Variants in DTL observed in about 807,000 individuals in gnomAD.
DTL encodes the protein denticleless protein homolog.
A neutral mutation model predicts 87.0 loss-of-function variants in DTL; 46 were observed. The observed-to-expected ratio is 0.53, with a 90% CI of 0.42 to 0.68. DTL has a LOEUF of 0.68. Ranked by LOEUF, DTL falls within the 30% of genes least tolerant of loss-of-function variation. The pLI is 0.00. For synonymous variants in DTL, 308 were observed against 311.2 expected (o/e 0.99, Z 0.11); for missense variants, 737 against 869.4 (o/e 0.85, Z 1.91).
rs376617247 is a variant in DTL at position 212,099,199 on chromosome 1, CTT to C, written c.1262-1051_1262-1050del. Among the ~76,000 whole-genome samples, 65 of 152,200 alleles carry C rather than the reference CTT, an allele frequency of 4.3e-4. 1 individual carries two copies. In the East Asian group the frequency reaches 0.011, roughly 25 times the overall value. On this transcript the variant is annotated intron_variant, in intron 13 of 14. Transcript: ENST00000366991. ...CAGTGAGGATGTGTGCAGAAGTGGA[CTT>C]TACCCCTCTCACACTGTTTTTTGTT...
chr1:212,099,268 T>A (rs1261199462), intron 13 of DTL, among the ~76,000 whole-genome samples: 2 of 152,144 alleles, frequency 1.3e-5, no homozygotes, highest in Non-Finnish European at 2.9e-5. Flanking sequence ...GGAGTCTCGC[T>A]GTCAGGCAGG....
At chr1:212,069,548 AT>A (rs397863295) in intron 10 of DTL, among the ~76,000 whole-genome samples, 210 of 144,422 alleles carry the variant, frequency 1.5e-3, no homozygotes, top group African/African-American at 1.3e-3. Context: ...ATAGATATAA[AT>A]TTTTTTTTTT....
intron 5 of DTL, among the ~76,000 whole-genome samples, chr1:212,055,411 A>C (rs562139348): frequency 1.3e-5 from 2 of 152,218 alleles, no homozygotes; most frequent in South Asian, 2.1e-4. Flanking sequence ...ACAAACCCTC[A>C]AGTCCTAAGC....
intron 13 of DTL, among the ~76,000 whole-genome samples, chr1:212,093,456 A>AT (rs1412404825): frequency 2.0e-5 from 3 of 152,206 alleles, no homozygotes; most frequent in African/African-American, 7.2e-5. Flanking sequence ...GGCTTGGAGA[A>AT]TTTGAGTGCA....
At position 212,091,908 on chromosome 1, in the gene DTL, A is replaced by C. The variant is rs542146452; in HGVS notation, c.1262-8344A>C. Among the ~76,000 whole-genome samples, 602 of 152,376 alleles carry C rather than the reference A, an allele frequency of 4.0e-3. 6 individuals carry two copies. Among genetic ancestry groups the C allele is most frequent in the Middle Eastern group, 0.017 (5 of 294 alleles). ...CACATTATAGCCTATATACACAATA[A>C]AAATAAATTTGCTTGAGATAAAATA... On this transcript the variant is annotated intron_variant, in intron 13 of 14. Coordinates refer to ENST00000366991, the MANE Select transcript of DTL (RefSeq NM_016448.4).
chr1:212,066,855 A>T lies in DTL; in HGVS notation c.683A>T (p.Asn228Ile), dbSNP rs778317494. Reference sequence around the variant, plus strand: ...ACTGTGGTCCTCTTTCAAGACGAGAATACCTTAGTCTCAGCAGGAGCTGTG... The same window carrying T: ...ACTGTGGTCCTCTTTCAAGACGAGATTACCTTAGTCTCAGCAGGAGCTGTG... ...SVTVVLFQDE[N>I]TLVSAGAVDG... Residue 228 changes from asparagine to isoleucine, a missense_variant, in exon 8 of 15, where the codon AAT becomes ATT. By Grantham distance (149) the Asn-to-Ile change is moderately radical. Transcript: ENST00000366991. The T allele has an allele frequency of 2.8e-5, 45 of 1,613,900 alleles. No individual in the cohort carries two copies. The highest frequency in any genetic ancestry group is 3.6e-5 in the Non-Finnish European group (43 of 1,179,912).
In DTL at chr1:212,103,826, A is replaced by G. The variant is rs78031032; in HGVS notation, c.*886A>G. 1.3e-5 allele frequency: 2 copies of G among 152,220 alleles called. No homozygotes were observed. The highest frequency in any genetic ancestry group is 4.8e-5 in the African/African-American group (2 of 41,458). 9.4% of individuals were successfully genotyped at this position (152,220 alleles called of 1,614,324 possible). A position where few individuals can be genotyped will look rare whatever the true frequency, so the allele number is the denominator to read the frequency against. On this transcript the variant is annotated 3_prime_UTR_variant, in exon 15 of 15. Transcript: ENST00000366991. ...TAGGGGCTGCAATGTTTTAAAAAAA[A>G]TAAGTCATCAGATTTTAAGAAAAAA...
chr1:212,071,798 T>G (rs1654679972), intron 10 of DTL, among the ~76,000 whole-genome samples: 1 of 152,202 alleles, frequency 6.6e-6, no homozygotes, highest in African/African-American at 2.4e-5. Context: ...TACTGCAAGT[T>G]GGACATTGGC....
intron 2 of DTL, 134 bp from the exon 3 acceptor site, chr1:212,044,526 C>G (rs1265801220): frequency 3.7e-6 from 2 of 547,450 alleles, no homozygotes; most frequent in Non-Finnish European, 3.3e-6. Context: ...ATCACTTGAA[C>G]CCAGGAGGTG....
At chr1:212,084,346 C>T (rs893069279) in intron 13 of DTL, among the ~76,000 whole-genome samples, 28 of 151,914 alleles carry the variant, frequency 1.8e-4, no homozygotes, top group African/African-American at 6.5e-4. Flanking sequence ...CCACCATGCC[C>T]AGCTAATTTT....
intron 5 of DTL, among the ~76,000 whole-genome samples, chr1:212,057,048 A>G (rs1409572997): frequency 6.6e-6 from 1 of 152,190 alleles, no homozygotes; most frequent in African/African-American, 2.4e-5. Context: ...CCAGAAGGCA[A>G]AGATAAAATG....
chr1:212,059,708 A>G (rs553378520), intron 5 of DTL, among the ~76,000 whole-genome samples: 1 of 151,362 alleles, frequency 6.6e-6, no homozygotes, highest in East Asian at 1.9e-4. Context: ...AAAGTATCCA[A>G]ACTGGAAAAG....
chr1:212,082,353 T>C (rs6657728), intron 13 of DTL, among the ~76,000 whole-genome samples: 58,889 of 152,004 alleles, frequency 0.39, 13,395 homozygotes, highest in Middle Eastern at 0.54. Context: ...AGTTTTGTTA[T>C]AAAGGAAAGA....
chr1:212,102,742 A>G (rs1415012825), intron 14 of DTL, 100 bp from the exon 15 acceptor site: 4 of 780,496 alleles, frequency 5.1e-6, no homozygotes, highest in East Asian at 2.5e-5. Flanking sequence ...AGGCTAAACA[A>G]TGAAATTTCT....
intron 5 of DTL, among the ~76,000 whole-genome samples, chr1:212,052,699 C>T (rs1668027983): frequency 6.6e-6 from 1 of 150,994 alleles, no homozygotes; most frequent in Non-Finnish European, 1.5e-5. Flanking sequence ...ATTCTCTCTC[C>T]TCCCTGCTTC....
intron 10 of DTL, 44 bp downstream of exon 10, chr1:212,068,747 T>C (rs1654585900): frequency 6.2e-6 from 8 of 1,297,430 alleles, no homozygotes; most frequent in Non-Finnish European, 8.8e-6. Context: ...GAAAGCATTA[T>C]GGGCTTTTTT....
At chr1:212,064,874 T>C in intron 6 of DTL, 43 bp from the exon 7 acceptor site, 2 of 1,480,270 alleles carry the variant, frequency 1.4e-6, no homozygotes, top group South Asian at 2.3e-5. Flanking sequence ...ATATTCAGCA[T>C]GTAAGAATCC....
At chr1:212,040,439 T>G (rs1667601420) in intron 1 of DTL, among the ~76,000 whole-genome samples, 2 of 152,220 alleles carry the variant, frequency 1.3e-5, no homozygotes, top group Non-Finnish European at 2.9e-5. Flanking sequence ...TGATTAAGTT[T>G]AGGCACAGTA....
intron 5 of DTL, among the ~76,000 whole-genome samples, chr1:212,049,759 C>T (rs1176082481): frequency 2.0e-5 from 3 of 152,184 alleles, no homozygotes; most frequent in Non-Finnish European, 4.4e-5. Flanking sequence ...TTATTCTGGC[C>T]TCCTGGGCAA....
Sources: allele counts gnomAD v4.1 joint callset (sites outside exome capture counted in the v4.1 genomes callset), GRCh38; gene constraint gnomAD v4.1.1; transcripts MANE v1.5; gene names NCBI Gene and HGNC (gene_info 2026-07-23, HGNC 2026-07-21).